Variants in ZFHX3 observed in about 807,000 individuals in gnomAD.
ZFHX3 encodes the protein zinc finger homeobox 3.
A neutral mutation model predicts 279.1 loss-of-function variants in ZFHX3; 42 were observed. That is an observed-to-expected ratio of 0.15 (90% CI 0.12 to 0.19). ZFHX3 has a LOEUF of 0.19. Among genes scored for constraint, ZFHX3 ranks in the 10% least tolerant of loss-of-function variants. The pLI is 1.00. For synonymous variants in ZFHX3, 2,293 were observed against 1,957.8 expected (o/e 1.17, Z -4.52); for missense variants, 4,981 against 4,754.0 (o/e 1.05, Z -1.40).
At chr16:73,111,774 G>A (rs542532088) in intron 7 of ZFHX3, among the ~76,000 whole-genome samples, 1 of 152,018 alleles carries the variant, frequency 6.6e-6, no homozygotes, top group South Asian at 2.1e-4. Flanking sequence ...GAAGGAGAGA[G>A]GGAGGGATTC....
chr16:72,987,828 C>T (rs1962911466), intron 1 of ZFHX3, among the ~76,000 whole-genome samples: 1 of 152,084 alleles, frequency 6.6e-6, no homozygotes, highest in Non-Finnish European at 1.5e-5. Flanking sequence ...CTGAGGCTTC[C>T]CTAGGACTGC....
chr16:73,173,288 C>T (rs1967582978), intron 5 of ZFHX3, among the ~76,000 whole-genome samples: 1 of 151,994 alleles, frequency 6.6e-6, no homozygotes, highest in Admixed American at 6.6e-5. Flanking sequence ...CTTTTTCGAG[C>T]TGTGTTTTCT....
At chr16:73,776,258 G>A (rs1295665230) in intron 1 of ZFHX3, among the ~76,000 whole-genome samples, 2 of 152,102 alleles carry the variant, frequency 1.3e-5, no homozygotes, top group African/African-American at 4.8e-5. Context: ...AAGTGTGCAG[G>A]GCTAGGAGAG....
At chr16:72,926,629 C>T (rs1335742048) in intron 3 of ZFHX3, among the ~76,000 whole-genome samples, 1 of 152,106 alleles carries the variant, frequency 6.6e-6, no homozygotes, top group Non-Finnish European at 1.5e-5. Context: ...TTGCTCAGCA[C>T]GTGGGAGATA....
Position 73,682,910 on chromosome 16 carries a change from A to G in ZFHX3, c.-1607-2670T>C, listed in dbSNP as rs867712182. On this transcript the variant is annotated intron_variant, in intron 1 of 17. Coordinates refer to the ZFHX3 transcript ENST00000641206. ...AGAAAGAAAGAAAGAAAGAAAGAGA[A>G]AGAAAGAGAGAAAGAGAAAGAAAGA... Among the ~76,000 whole-genome samples, 536 of 60,886 alleles carry G rather than the reference A, an allele frequency of 8.8e-3. 58 individuals are homozygous for G. The highest frequency in any genetic ancestry group is 0.023 in the African/African-American group (315 of 13,460). 39.9% of individuals were successfully genotyped at this position (60,886 alleles called of 152,430 possible). A position where few individuals can be genotyped will look rare whatever the true frequency, so the allele number is the denominator to read the frequency against.
intron 2 of ZFHX3, 93 bp downstream of exon 2, chr16:72,957,334 T>C (rs894694312): frequency 2.7e-5 from 39 of 1,426,330 alleles, no homozygotes; most frequent in Admixed American, 4.7e-5. Flanking sequence ...AAGACCAGAG[T>C]CAACTGAATC....
At chr16:73,797,866 G>A (rs1960040687) in intron 1 of ZFHX3, among the ~76,000 whole-genome samples, 1 of 138,704 alleles carries the variant, frequency 7.2e-6, no homozygotes, top group Non-Finnish European at 1.5e-5. Flanking sequence ...CCAGGCTGGA[G>A]TGTAATGGTA....
At chr16:73,755,467 T>G (rs559808983) in intron 1 of ZFHX3, among the ~76,000 whole-genome samples, 1 of 152,316 alleles carries the variant, frequency 6.6e-6, no homozygotes, top group East Asian at 1.9e-4. Context: ...AGACAGTGCA[T>G]AGTGTGTGAG....
upstream of ZFHX3, chr16:73,062,111 A>C (rs1175839625): frequency 2.6e-5 from 4 of 152,172 alleles, no homozygotes; most frequent in Non-Finnish European, 5.9e-5. Context: ...AGAAATTCAG[A>C]ATCTAAATCT....
intron 1 of ZFHX3, among the ~76,000 whole-genome samples, chr16:73,707,568 C>A (rs547526498): frequency 8.1e-6 from 1 of 123,300 alleles, no homozygotes; most frequent in African/African-American, 3.3e-5. Flanking sequence ...GGAAGGGGAA[C>A]ATCACACACC....
intron 3 of ZFHX3, among the ~76,000 whole-genome samples, chr16:73,330,592 T>C (rs984438920): frequency 3.9e-5 from 6 of 152,128 alleles, no homozygotes; most frequent in Admixed American, 2.6e-4. Context: ...TGGCTGAACT[T>C]TGAAGTGGGC....
chr16:73,382,287 AT>A (rs2016829384), intron 3 of ZFHX3, among the ~76,000 whole-genome samples: 3 of 152,244 alleles, frequency 2.0e-5, no homozygotes, highest in Admixed American at 2.0e-4. Flanking sequence ...GTTTATAAAA[AT>A]GTAAAACTTT....
intron 1 of ZFHX3, among the ~76,000 whole-genome samples, chr16:73,696,369 A>G (rs2053197657): frequency 2.0e-5 from 3 of 152,230 alleles, no homozygotes; most frequent in South Asian, 2.1e-4. Flanking sequence ...AGAGGTGGAT[A>G]TAAGAGTCAT....
chr16:73,818,955 G>A (rs1321785353), intron 1 of ZFHX3, among the ~76,000 whole-genome samples: 1 of 152,198 alleles, frequency 6.6e-6, no homozygotes, highest in East Asian at 1.9e-4. Context: ...ACTATGCAAG[G>A]AGAACTCAGT....
intron 1 of ZFHX3, among the ~76,000 whole-genome samples, chr16:73,699,534 C>G (rs1305158024): frequency 6.6e-6 from 1 of 152,092 alleles, no homozygotes; most frequent in East Asian, 1.9e-4. Flanking sequence ...AAATTTCTGT[C>G]AATATCTATC....
intron 1 of ZFHX3, among the ~76,000 whole-genome samples, chr16:73,047,269 C>A (rs938525263): frequency 6.6e-6 from 1 of 151,938 alleles, no homozygotes; most frequent in African/African-American, 2.4e-5. Context: ...TCCAAGAGTG[C>A]GAAAAAACTA....
intron 5 of ZFHX3, among the ~76,000 whole-genome samples, chr16:73,175,873 A>G (rs1356123570): frequency 6.6e-6 from 1 of 152,106 alleles, no homozygotes; most frequent in African/African-American, 2.4e-5. Context: ...ACTTTTTCCA[A>G]CTTGGGATGA....
chr16:73,745,625 G>A (rs2053696795), intron 1 of ZFHX3, among the ~76,000 whole-genome samples: 1 of 152,194 alleles, frequency 6.6e-6, no homozygotes, highest in East Asian at 1.9e-4. Flanking sequence ...CCTTCCACCT[G>A]TCATTTTGAG....
chr16:73,046,960 A>T (rs1183331636), intron 1 of ZFHX3, among the ~76,000 whole-genome samples: 1 of 152,170 alleles, frequency 6.6e-6, no homozygotes, highest in Non-Finnish European at 1.5e-5. Flanking sequence ...AGCCAGTTTA[A>T]CACAGGAGGT....
Sources: gnomAD v4.1 joint callset for allele counts (sites outside exome capture counted in the v4.1 genomes callset) on GRCh38, gnomAD v4.1.1 for gene constraint, MANE v1.5 for transcripts, NCBI Gene and HGNC (gene_info 2026-07-23, HGNC 2026-07-21) for gene names.